APC: variants seen among roughly 807,000 people sequenced by gnomAD.
APC encodes the protein APC regulator of Wnt signaling pathway.
Under a neutral mutation model 247.0 loss-of-function variants are expected in APC, and 72 were observed. That is an observed-to-expected ratio of 0.29 (90% CI 0.24 to 0.35). The LOEUF (loss-of-function observed/expected upper bound fraction) is 0.35, where lower values mean the gene tolerates loss of function less well. Ranked by LOEUF, APC falls within the 10% of genes least tolerant of loss-of-function variation. The pLI is 1.00. For missense variants in APC, 3,400 were observed against 3,360.7 expected (o/e 1.01, Z -0.29); for synonymous variants, 1,254 against 1,162.5 (o/e 1.08, Z -1.60).
At chr5:112,720,062 G>T (rs1305180625) in intron 1 of APC, among the ~76,000 whole-genome samples, 1 of 152,128 alleles carries the variant, frequency 6.6e-6, no homozygotes, top group Non-Finnish European at 1.5e-5. Context: ...ATTCTTCTAG[G>T]CAAACTAAGC....
rs1459967417 is a variant in APC at position 112,758,809 on chromosome 5, G to A, written c.135+3784G>A. Reference sequence around the variant, plus strand: ...GTAGAGACGGAGTTTTGCCATGTTTGCCAGGCTGGTCTCAAACTCCTGACC... The same window carrying A: ...GTAGAGACGGAGTTTTGCCATGTTTACCAGGCTGGTCTCAAACTCCTGACC... On this transcript the variant is annotated intron_variant, in intron 2 of 15. Transcript: ENST00000257430. Among the ~76,000 whole-genome samples, 5 of 151,724 alleles carry A rather than the reference G, an allele frequency of 3.3e-5. No individual in the cohort carries two copies. In the South Asian group the frequency reaches 1.0e-3, roughly 32 times the overall value.
intron 1 of APC, among the ~76,000 whole-genome samples, 187 bp downstream of exon 1, chr5:112,738,112 C>T (rs1041478450): frequency 6.6e-6 from 1 of 152,016 alleles, no homozygotes; most frequent in African/African-American, 2.4e-5. Flanking sequence ...TCCTGTACTT[C>T]GGATCCAGGG....
intron 4 of APC, among the ~76,000 whole-genome samples, chr5:112,767,763 T>C (rs1055944447): frequency 6.6e-6 from 1 of 152,066 alleles, no homozygotes; most frequent in South Asian, 2.1e-4. Context: ...CCCAAGTAGC[T>C]GAAACTATAG....
chr5:112,841,101 G>A lies in APC; in HGVS notation c.5507G>A (p.Gly1836Glu), dbSNP rs1363066852. 6.2e-7 allele frequency: 1 copy of A among 1,613,032 alleles called. No homozygotes were observed. Among genetic ancestry groups the A allele is most frequent in the South Asian group, 1.1e-5 (1 of 91,044 alleles). ...KLPNNEDRVR[G>E]SFAFDSPHHY... ...CCAAATAATGAAGATAGAGTCAGAGGAAGTTTTGCTTTTGATTCACCTCAT... is the reference window on the plus strand; with the variant it reads ...CCAAATAATGAAGATAGAGTCAGAGAAAGTTTTGCTTTTGATTCACCTCAT... The change falls in exon 16 of 16, where the codon GGA becomes GAA. Residue 1836 changes from glycine (G) to glutamate (E), a missense_variant. Physicochemically the swap from Gly to Glu is moderately conservative, Grantham distance 98 (BLOSUM62 -2). This residue lies in a region of APC where 1,788 missense variants were observed against 1,649.5 expected (regional missense o/e 1.08). Coordinates refer to ENST00000257430, the MANE Select transcript of APC (RefSeq NM_000038.6). This position sits in a 1 kb window ranked among gnomAD's most constrained non-coding sequence, Gnocchi z 4.6.
intron 1 of APC, among the ~76,000 whole-genome samples, chr5:112,711,341 C>T (rs1357006437): frequency 1.3e-5 from 2 of 152,230 alleles, no homozygotes; most frequent in Non-Finnish European, 2.9e-5. Flanking sequence ...CCCCACCCAA[C>T]TCCTGTCCCA....
intron 14 of APC, among the ~76,000 whole-genome samples, chr5:112,834,105 A>AT (rs145457030): frequency 0.11 from 16,207 of 148,156 alleles, 944 homozygotes; most frequent in African/African-American, 0.16. Flanking sequence ...TACCCAGCTC[A>AT]TTTTTTTTTT....
At chr5:112,804,049 T>G (rs1761113556) in intron 8 of APC, among the ~76,000 whole-genome samples, 1 of 152,208 alleles carries the variant, frequency 6.6e-6, no homozygotes, top group East Asian at 1.9e-4. Context: ...TCCTTGAGTA[T>G]GTCCAGGCCT....
At chr5:112,796,385 A>T (rs77504544) in intron 7 of APC, among the ~76,000 whole-genome samples, 164 of 152,302 alleles carry the variant, frequency 1.1e-3, no homozygotes, top group Non-Finnish European at 1.9e-3. Context: ...AAACATTTTC[A>T]TCCATGTCTG....
intron 1 of APC, among the ~76,000 whole-genome samples, chr5:112,739,685 C>G (rs1752764725): frequency 6.6e-6 from 1 of 152,002 alleles, no homozygotes; most frequent in Non-Finnish European, 1.5e-5. Flanking sequence ...CCTGGGCAAC[C>G]AAGCAAGACC....
At chr5:112,774,768 C>T (rs1757426258) in intron 4 of APC, among the ~76,000 whole-genome samples, 1 of 152,222 alleles carries the variant, frequency 6.6e-6, no homozygotes, top group Middle Eastern at 3.4e-3. Context: ...TGTGCCACCA[C>T]ACCTGGCCCC....
chr5:112,803,956 C>T (rs1761103949), intron 8 of APC, among the ~76,000 whole-genome samples: 1 of 152,168 alleles, frequency 6.6e-6, no homozygotes, highest in Non-Finnish European at 1.5e-5. Context: ...AATCCAGATT[C>T]TTCATGTTGC....
intron 15 of APC, among the ~76,000 whole-genome samples, chr5:112,837,090 C>T (rs1166301693): frequency 6.6e-6 from 1 of 152,180 alleles, no homozygotes; most frequent in Non-Finnish European, 1.5e-5. Context: ...AATCTAAGAG[C>T]TTATAATGTG....
rs150543576 is a variant in APC at position 112,838,358 on chromosome 5, C to T, written c.2764C>T (p.Leu922Phe). The change falls in exon 16 of 16, where the codon CTT becomes TTT. Residue 922 changes from leucine (L) to phenylalanine (F), a missense_variant. Physicochemically the swap from Leu to Phe is conservative, Grantham distance 22. Coordinates refer to ENST00000257430, the MANE Select transcript of APC (RefSeq NM_000038.6). ...LHCVTDERNA[L>F]RRSSAAHTHS... ...TTGTGTGACAGATGAGAGAAATGCA[C>T]TTAGAAGAAGCTCTGCTGCCCATAC... The T allele has an allele frequency of 3.7e-6, 6 of 1,614,002 alleles. No individual in the cohort carries two copies. In the African/African-American group the frequency reaches 8.0e-5, roughly 22 times the overall value.
At chr5:112,814,779 C>A (rs1348351330) in intron 8 of APC, among the ~76,000 whole-genome samples, 1 of 152,182 alleles carries the variant, frequency 6.6e-6, no homozygotes, top group Non-Finnish European at 1.5e-5. Context: ...TTTAACCCAA[C>A]CTTTATCTCT....
In APC at chr5:112,825,260, G is replaced by A. The variant is rs78265064; in HGVS notation, c.1409-1848G>A. Among the ~76,000 whole-genome samples, 1 of 152,076 alleles carries A rather than the reference G, an allele frequency of 6.6e-6. No individual in the cohort carries two copies. The highest frequency in any genetic ancestry group is 2.1e-4 in the South Asian group (1 of 4,836). ...TTCATCCCCAGTCCAAGCCACCATCGTCTCTCCTGTTCTACAATACTTTGT... is the reference window on the plus strand; with the variant it reads ...TTCATCCCCAGTCCAAGCCACCATCATCTCTCCTGTTCTACAATACTTTGT... On this transcript the variant is annotated intron_variant, in intron 11 of 15. Coordinates refer to ENST00000257430, the MANE Select transcript of APC (RefSeq NM_000038.6).
chr5:112,757,444 C>G (rs1755110649), intron 2 of APC, among the ~76,000 whole-genome samples: 2 of 151,976 alleles, frequency 1.3e-5, no homozygotes, highest in South Asian at 4.2e-4. Context: ...CCAAAAAAGG[C>G]AAAAGGAGGC....
chr5:112,792,625 T>C (rs1759758374), intron 7 of APC, 96 bp downstream of exon 7: 2 of 861,896 alleles, frequency 2.3e-6, no homozygotes, highest in South Asian at 1.5e-5. Context: ...CATTGAAATA[T>C]AGATGTTCTT....
chr5:112,791,245 G>A (rs922267508), intron 6 of APC, among the ~76,000 whole-genome samples: 1 of 152,198 alleles, frequency 6.6e-6, no homozygotes, highest in Non-Finnish European at 1.5e-5. Context: ...CCAGTTGATG[G>A]TCTCCATATA....
At chr5:112,736,964 A>G (rs538141475), upstream of APC, among the ~76,000 whole-genome samples, 2 of 152,338 alleles carry the variant, frequency 1.3e-5, no homozygotes, top group East Asian at 3.9e-4. Flanking sequence ...TTTTAAATAG[A>G]TAATAGAAAC....
Sources: gnomAD v4.1 joint callset for allele counts (sites outside exome capture counted in the v4.1 genomes callset) on GRCh38, gnomAD v4.1.1 for gene constraint, gnomAD v4.1.1 regional missense constraint, Gnocchi (gnomAD v3.1) non-coding constraint, MANE v1.5 for transcripts, NCBI Gene and HGNC (gene_info 2026-07-23, HGNC 2026-07-21) for gene names.